Variants in ATP2C1 observed in about 807,000 individuals in gnomAD.
ATP2C1 encodes the protein calcium-transporting ATPase type 2C member 1.
A neutral mutation model predicts 120.5 loss-of-function variants in ATP2C1; 31 were observed. The observed-to-expected ratio is 0.26, with a 90% CI of 0.19 to 0.35. ATP2C1 has a LOEUF of 0.35. Among genes scored for constraint, ATP2C1 ranks in the 10% least tolerant of loss-of-function variants. The pLI is 1.00. For missense variants in ATP2C1, 731 were observed against 1,107.5 expected (o/e 0.66, Z 4.83); for synonymous variants, 351 against 358.7 (o/e 0.98, Z 0.24).
intron 2 of ATP2C1, among the ~76,000 whole-genome samples, chr3:130,903,979 A>G (rs867100905): frequency 6.6e-6 from 1 of 152,054 alleles, no homozygotes; most frequent in African/African-American, 2.4e-5. Context: ...AAAAATGCCA[A>G]ATTCTTCCCA....
chr3:130,858,626 A>G (rs914045533), intron 1 of ATP2C1, among the ~76,000 whole-genome samples: 15 of 152,244 alleles, frequency 9.9e-5, no homozygotes, highest in African/African-American at 3.6e-4. Flanking sequence ...GACAGATGGA[A>G]GGCACTGAAT....
At position 131,001,579 on chromosome 3, in the gene ATP2C1, A is replaced by C; in HGVS notation, c.*229A>C. 8.1e-7 allele frequency: 1 copy of C among 1,228,710 alleles called. No individual in the cohort carries two copies. The highest frequency in any genetic ancestry group is 1.0e-6 in the Non-Finnish European group (1 of 976,714). The allele number at this position is 1,228,710 out of a possible 1,614,324, so 76.1% of individuals were successfully genotyped here. ...TAAATTGGCTTTTGTGATTGAGTGA[A>C]ACTTTATAAAGCATATGGTCAGTTA... is the stretch of plus-strand genomic sequence containing the variant. On this transcript the variant is annotated 3_prime_UTR_variant, in exon 28 of 28. Coordinates refer to ENST00000510168, the MANE Select transcript of ATP2C1 (RefSeq NM_001378687.1).
chr3:130,920,301 A>T lies in ATP2C1; in HGVS notation c.7-10115A>T, dbSNP rs564332291. ...AGCTTTTCCTGTATGTTTTCTTCTAAGAGTTTTAGTTTCATGTCTTAGGTT... is the reference window on the plus strand; with the variant it reads ...AGCTTTTCCTGTATGTTTTCTTCTATGAGTTTTAGTTTCATGTCTTAGGTT... On this transcript the variant is annotated intron_variant, in intron 2 of 27. Transcript: ENST00000510168. Among the ~76,000 whole-genome samples, 28 of 152,182 alleles carry T rather than the reference A, an allele frequency of 1.8e-4. 1 individual carries two copies. The highest frequency in any genetic ancestry group is 3.8e-4 in the Non-Finnish European group (26 of 68,028).
chr3:130,927,539 C>T (rs1351546493), intron 2 of ATP2C1, among the ~76,000 whole-genome samples: 1 of 152,126 alleles, frequency 6.6e-6, no homozygotes, highest in Admixed American at 6.5e-5. Flanking sequence ...CCATGCCCGG[C>T]CTTTTTAACT....
intron 26 of ATP2C1, among the ~76,000 whole-genome samples, chr3:130,998,591 T>C (rs919819099): frequency 6.6e-6 from 1 of 152,206 alleles, no homozygotes; most frequent in Non-Finnish European, 1.5e-5. Flanking sequence ...GCTTTATGTC[T>C]GACTAGAACA....
At chr3:130,915,672 G>A (rs2058657364) in intron 2 of ATP2C1, among the ~76,000 whole-genome samples, 1 of 152,066 alleles carries the variant, frequency 6.6e-6, no homozygotes, top group South Asian at 2.1e-4. Flanking sequence ...ATCGGTTCAG[G>A]GTTGTCGCAA....
At chr3:130,991,637 G>T (rs1577019011) in intron 20 of ATP2C1, among the ~76,000 whole-genome samples, 1 of 152,148 alleles carries the variant, frequency 6.6e-6, no homozygotes, top group East Asian at 1.9e-4. Context: ...ATATGGAAGG[G>T]ACAACATGTT....
At position 130,999,414 on chromosome 3, in the gene ATP2C1, C is replaced by G. The variant is rs2062785453; in HGVS notation, c.2488-104C>G. The G allele has an allele frequency of 1.3e-5, 14 of 1,105,182 alleles. No individual in the cohort carries two copies. In the South Asian group the frequency reaches 1.8e-4, roughly 14 times the overall value. The allele number at this position is 1,105,182 out of a possible 1,614,324, so 68.5% of individuals were successfully genotyped here. A position where few individuals can be genotyped will look rare whatever the true frequency, so the allele number is the denominator to read the frequency against. ...TTCATAGAATTGACATTGCACAATTCAGTGATAAAGTGACACTGCTTGTTA... is the reference window on the plus strand; with the variant it reads ...TTCATAGAATTGACATTGCACAATTGAGTGATAAAGTGACACTGCTTGTTA... On this transcript the variant is annotated intron_variant, in intron 26 of 27. Transcript: ENST00000510168.
chr3:130,894,477 C>T lies in ATP2C1; in HGVS notation c.-180-113C>T. 1 of 1,359,606 alleles carries T rather than the reference C, an allele frequency of 7.4e-7. No individual in the cohort carries two copies. Among genetic ancestry groups the T allele is most frequent in the Non-Finnish European group, 9.5e-7 (1 of 1,053,580 alleles). 84.2% of individuals were successfully genotyped at this position (1,359,606 alleles called of 1,614,324 possible). ...GCGTGAGCTGGGGACGTTGCGGGCACACGACGGGGCGGGTGCGGGATCTTG... is the reference window on the plus strand; with the variant it reads ...GCGTGAGCTGGGGACGTTGCGGGCATACGACGGGGCGGGTGCGGGATCTTG... On this transcript the variant is annotated intron_variant, in intron 1 of 27. Coordinates refer to ENST00000510168, the MANE Select transcript of ATP2C1 (RefSeq NM_001378687.1). This position sits in a 1 kb window ranked among gnomAD's most constrained non-coding sequence, Gnocchi z 4.5.
intron 8 of ATP2C1, among the ~76,000 whole-genome samples, chr3:130,944,510 T>C (rs773303001): frequency 5.3e-5 from 8 of 152,164 alleles, no homozygotes; most frequent in Non-Finnish European, 1.0e-4. Context: ...TTTCTCTCTC[T>C]TCCTCTTATA....
intron 20 of ATP2C1, among the ~76,000 whole-genome samples, chr3:130,984,740 T>A (rs1458848946): frequency 6.6e-6 from 1 of 152,152 alleles, no homozygotes; most frequent in Admixed American, 6.5e-5. Flanking sequence ...AAAAATCTAA[T>A]TCTGGAAAAA....
intron 13 of ATP2C1, 67 bp downstream of exon 13, chr3:130,964,162 A>AG: frequency 6.4e-7 from 1 of 1,557,494 alleles, no homozygotes; most frequent in Non-Finnish European, 8.8e-7. Flanking sequence ...GAATCATCTC[A>AG]GAGTTTTACA....
intron 26 of ATP2C1, among the ~76,000 whole-genome samples, chr3:131,011,076 T>C (rs1046311785): frequency 2.6e-4 from 40 of 152,342 alleles, no homozygotes; most frequent in Admixed American, 2.6e-3. Context: ...TATTTCCTTT[T>C]GTGCACAAAG....
chr3:130,947,130 A>G (rs2060186588), intron 8 of ATP2C1, among the ~76,000 whole-genome samples: 1 of 152,138 alleles, frequency 6.6e-6, no homozygotes, highest in Admixed American at 6.6e-5. Flanking sequence ...ATGCATTCCA[A>G]CTTCTAATGT....
chr3:130,984,943 T>C (rs544307271), intron 20 of ATP2C1, among the ~76,000 whole-genome samples: 2 of 152,314 alleles, frequency 1.3e-5, no homozygotes, highest in Admixed American at 6.5e-5. Flanking sequence ...AGGACTGTTA[T>C]GAGCATATGA....
At position 130,999,548 on chromosome 3, in the gene ATP2C1, A is replaced by C; in HGVS notation, c.2518A>C (p.Ser840Arg). 1 of 1,613,742 alleles carries C rather than the reference A, an allele frequency of 6.2e-7. No individual in the cohort carries two copies. Among genetic ancestry groups the C allele is most frequent in the Non-Finnish European group, 8.5e-7 (1 of 1,179,768 alleles). The change falls in exon 27 of 28, where the codon AGT becomes CGT. Residue 840 changes from serine to arginine, a missense_variant. Around this residue, in one of 3 missense-constraint regions of ATP2C1, gnomAD observed 141 missense variants for 201.6 expected, o/e 0.70. Transcript: ENST00000510168. ...TKSVFEIGLC[S>R]NRMFCYAVLG... ...GTCTGTGTTTGAGATTGGACTCTGC[A>C]GTAATAGAATGTTTTGCTATGCAGT... is the stretch of plus-strand genomic sequence containing the variant.
chr3:130,893,977 G>T (rs971652123), upstream of ATP2C1: 2 of 985,546 alleles, frequency 2.0e-6, no homozygotes, highest in Non-Finnish European at 2.4e-6. Context: ...CTCTCTCAGC[G>T]GAAGTAATAG....
chr3:130,930,609 T>C (rs1443426425), intron 3 of ATP2C1, 83 bp downstream of exon 3: 1 of 892,652 alleles, frequency 1.1e-6, no homozygotes, highest in Non-Finnish European at 1.9e-6. Flanking sequence ...TCTAATTTAC[T>C]TTTCTTCAGT....
At chr3:130,925,703 C>T (rs2059170950) in intron 2 of ATP2C1, among the ~76,000 whole-genome samples, 1 of 151,724 alleles carries the variant, frequency 6.6e-6, no homozygotes, top group South Asian at 2.1e-4. Context: ...TGACCTTTGT[C>T]TTTGGCTACC....
Sources: allele counts gnomAD v4.1 joint callset (sites outside exome capture counted in the v4.1 genomes callset), GRCh38; gene constraint gnomAD v4.1.1; regional missense constraint gnomAD v4.1.1; non-coding constraint Gnocchi (gnomAD v3.1); transcripts MANE v1.5; gene names NCBI Gene and HGNC (gene_info 2026-07-23, HGNC 2026-07-21).